The following ME3 variants were observed in gnomAD, a reference collection of about 807,000 sequenced individuals.
The protein encoded by ME3 is NADP-dependent malic enzyme, mitochondrial.
ME3 carries 48 observed loss-of-function variants against 68.9 expected under a neutral mutation model. That is an observed-to-expected ratio of 0.70 (90% confidence interval 0.55 to 0.89). The LOEUF (loss-of-function observed/expected upper bound fraction) is 0.89, where lower values mean the gene tolerates loss of function less well. Ranked by LOEUF, ME3 falls within the 40% of genes least tolerant of loss-of-function variation. ME3 has a pLI of 0.00. For missense variants in ME3, 675 were observed against 797.4 expected (o/e 0.85, Z 1.85); for synonymous variants, 320 against 318.8 (o/e 1.00, Z -0.04).
intron 2 of ME3, among the ~76,000 whole-genome samples, chr11:86,649,577 C>A (rs943325764): frequency 5.9e-5 from 9 of 152,190 alleles, no homozygotes; most frequent in Non-Finnish European, 1.2e-4. Context: ...ATCGTCTCAA[C>A]CCAAAAACTC....
At chr11:86,499,120 G>A (rs1264988114) in intron 5 of ME3, among the ~76,000 whole-genome samples, 1 of 152,172 alleles carries the variant, frequency 6.6e-6, no homozygotes, top group Non-Finnish European at 1.5e-5. Context: ...TGGACAGGTG[G>A]AGATTGTGGG....
chr11:86,521,994 A>T (rs1954349326), intron 4 of ME3, among the ~76,000 whole-genome samples: 1 of 152,236 alleles, frequency 6.6e-6, no homozygotes, highest in Admixed American at 6.5e-5. Context: ...TCATACCTGT[A>T]ATCCCAGTAC....
At chr11:86,529,046 CA>C (rs1594312483) in intron 4 of ME3, among the ~76,000 whole-genome samples, 1 of 151,958 alleles carries the variant, frequency 6.6e-6, no homozygotes, top group African/African-American at 2.4e-5. Context: ...AAAAACCCCT[CA>C]AAAAATCAAT....
At chr11:86,591,965 C>G (rs1959089225) in intron 2 of ME3, among the ~76,000 whole-genome samples, 1 of 152,130 alleles carries the variant, frequency 6.6e-6, no homozygotes, top group Admixed American at 6.5e-5. Flanking sequence ...AAATAAATTT[C>G]TATTGTTTAA....
At chr11:86,465,035 A>G in intron 8 of ME3, 56 bp downstream of exon 8, 1 of 1,387,806 alleles carries the variant, frequency 7.2e-7, no homozygotes, top group Non-Finnish European at 1.0e-6. Context: ...CATCCCAGTG[A>G]GGTTGAGAAT....
At chr11:86,557,328 A>T (rs967336996) in intron 3 of ME3, among the ~76,000 whole-genome samples, 4 of 152,110 alleles carry the variant, frequency 2.6e-5, no homozygotes, top group Admixed American at 2.6e-4. Flanking sequence ...GCTTCCATTC[A>T]GACTCCTAAG....
At chr11:86,623,366 C>A (rs7115834) in intron 2 of ME3, among the ~76,000 whole-genome samples, 58,635 of 152,028 alleles carry the variant, frequency 0.39, 11,966 homozygotes, top group East Asian at 0.7. Context: ...ACTCAGACTG[C>A]ATCACACCAC....
chr11:86,636,787 T>C (rs1944358756), intron 2 of ME3, among the ~76,000 whole-genome samples: 1 of 152,208 alleles, frequency 6.6e-6, no homozygotes, highest in Non-Finnish European at 1.5e-5. Context: ...TAAATGATTA[T>C]CTAAAAGGGT....
intron 8 of ME3, chr11:86,462,559 T>A: frequency 7.9e-7 from 1 of 1,273,728 alleles, no homozygotes; most frequent in Non-Finnish European, 1.0e-6. Context: ...AGTGTAGACA[T>A]ACTCACATGA....
chr11:86,437,216 G>T (rs915665479), downstream of ME3: 1 of 152,106 alleles, frequency 6.6e-6, no homozygotes, highest in African/African-American at 2.4e-5. Flanking sequence ...TTCTATTTAT[G>T]TTGCTGCAAA....
rs1043833669 is a variant in ME3, at chr11:86,448,054, T to C, written c.1237+96A>G. On this transcript the variant is annotated intron_variant, in intron 11 of 14. Coordinates refer to ENST00000543262, the Ensembl canonical transcript of ME3. ...GGGATAGGGGAAAGAGCTGTTTCCA[T>C]GGGTTACTTAGGCTTCCTAGCTGAG... 30 of 805,686 alleles carry C rather than the reference T, an allele frequency of 3.7e-5. No individual in the cohort carries two copies. In the East Asian group the frequency reaches 6.0e-4, roughly 16 times the overall value. The allele number at this position is 805,686 out of a possible 1,614,324, so 49.9% of individuals were successfully genotyped here.
At chr11:86,566,006 A>G (rs4944592) in intron 2 of ME3, among the ~76,000 whole-genome samples, 34,907 of 152,230 alleles carry the variant, frequency 0.23, 4,766 homozygotes, top group Non-Finnish European at 0.31. Flanking sequence ...GGTGAAAAAC[A>G]GAGACTTTTT....
intron 4 of ME3, among the ~76,000 whole-genome samples, chr11:86,539,239 C>A (rs1185862573): frequency 6.6e-6 from 1 of 152,124 alleles, no homozygotes; most frequent in African/African-American, 2.4e-5. Flanking sequence ...CTGCTTGGAA[C>A]TCATCCAGTA....
intron 8 of ME3, among the ~76,000 whole-genome samples, chr11:86,455,175 G>A (rs2138658126): frequency 6.6e-6 from 1 of 152,168 alleles, no homozygotes; most frequent in Non-Finnish European, 1.5e-5. Context: ...AAAGTACACA[G>A]TGTGCACCCT....
At chr11:86,643,904 T>C (rs528503499) in intron 2 of ME3, among the ~76,000 whole-genome samples, 1 of 152,306 alleles carries the variant, frequency 6.6e-6, no homozygotes, top group South Asian at 2.1e-4. Context: ...TCCTCTGGGC[T>C]CCAGCATCCT....
chr11:86,444,530 A>G (rs1949175749), intron 13 of ME3, among the ~76,000 whole-genome samples: 1 of 152,148 alleles, frequency 6.6e-6, no homozygotes, highest in South Asian at 2.1e-4. Flanking sequence ...CCATGGCTAG[A>G]TATGCATCTA....
At chr11:86,531,242 C>G (rs1278067165) in intron 4 of ME3, among the ~76,000 whole-genome samples, 4 of 152,266 alleles carry the variant, frequency 2.6e-5, no homozygotes, top group Non-Finnish European at 5.9e-5. Context: ...AAAGACACAT[C>G]AAGAAATGCT....
Position 86,556,599 on chromosome 11 carries a change from C to T in ME3, c.421G>A (p.Val141Met), listed in dbSNP as rs150824447. ...CCATAGTGCTGACAGGCCAGCCCCA[C>T]GGTAGGCGTGTACACGATTGGCATG... The change falls in exon 4 of 15, where the codon GTG becomes ATG. Residue 141 changes from valine (V) to methionine (M), a missense_variant. Physicochemically the swap from Val to Met is conservative, Grantham distance 21 (BLOSUM62 1). Coordinates refer to ENST00000543262, the Ensembl canonical transcript of ME3. 13 of 1,613,974 alleles carry T rather than the reference C, an allele frequency of 8.1e-6. No homozygotes were observed. In the African/African-American group the frequency reaches 9.3e-5, roughly 12 times the overall value.
At chr11:86,498,008 C>T (rs749677210) in exon 6 of ME3, 16 of 1,612,012 alleles carry the variant, frequency 9.9e-6, no homozygotes, top group South Asian at 3.3e-5. Flanking sequence ...GGCACTGCTG[C>T]GGGTTCACCC....
Sources: gnomAD v4.1 joint callset for allele counts (sites outside exome capture counted in the v4.1 genomes callset) on GRCh38, gnomAD v4.1.1 for gene constraint, MANE v1.5 for transcripts, NCBI Gene and HGNC (gene_info 2026-07-23, HGNC 2026-07-21) for gene names.